STAG1: variants seen among roughly 807,000 people sequenced by gnomAD.
The protein encoded by STAG1 is cohesin subunit SA-1.
STAG1 carries 26 observed loss-of-function variants against 170.9 expected under a neutral mutation model. The ratio of observed to expected loss-of-function variants is 0.15; its 90% CI spans 0.11 to 0.21. The LOEUF is 0.21. STAG1 is among the 10% of genes least tolerant of loss of function. The pLI is 1.00. For synonymous variants in STAG1, 514 were observed against 497.7 expected (o/e 1.03, Z -0.44); for missense variants, 964 against 1,509.5 (o/e 0.64, Z 5.99).
rs377654737 is a variant in STAG1 at position 136,369,290 on chromosome 3, A to G, written c.2371-8T>C. On this transcript the variant is annotated splice_polypyrimidine_tract_variant and splice_region_variant and intron_variant, in intron 23 of 33. Transcript: ENST00000383202. ...ACAGAGTAACATGAAAGCCTGGAAT[A>G]CAAAGGCAATTTATCAGCAAAATAT... The G allele has an allele frequency of 3.2e-6, 5 of 1,570,494 alleles. No homozygotes were observed. Among genetic ancestry groups the G allele is most frequent in the African/African-American group, 1.4e-5 (1 of 71,538 alleles).
intron 4 of STAG1, among the ~76,000 whole-genome samples, chr3:136,572,988 C>T (rs2107767471): frequency 6.6e-6 from 1 of 152,214 alleles, no homozygotes; most frequent in South Asian, 2.1e-4. Context: ...GCAGCCTAGG[C>T]AACACAGTGA....
At chr3:136,527,097 C>T (rs1307234435) in intron 6 of STAG1, among the ~76,000 whole-genome samples, 1 of 152,144 alleles carries the variant, frequency 6.6e-6, no homozygotes, top group Non-Finnish European at 1.5e-5. Flanking sequence ...CAAGGAGTAT[C>T]TTCATGACAT....
At chr3:136,534,772 A>G (rs1935542401) in intron 6 of STAG1, among the ~76,000 whole-genome samples, 1 of 152,222 alleles carries the variant, frequency 6.6e-6, no homozygotes, top group Non-Finnish European at 1.5e-5. Context: ...ATCTGGAGAA[A>G]AGAGAACTTC....
At chr3:136,656,948 A>C (rs1941399181) in intron 1 of STAG1, among the ~76,000 whole-genome samples, 1 of 152,044 alleles carries the variant, frequency 6.6e-6, no homozygotes, top group Admixed American at 6.5e-5. Flanking sequence ...AAAAATAAAT[A>C]CATAAATGAA....
intron 4 of STAG1, among the ~76,000 whole-genome samples, chr3:136,598,419 A>C (rs1323648587): frequency 1.3e-5 from 2 of 150,664 alleles, no homozygotes; most frequent in African/African-American, 4.9e-5. Flanking sequence ...TCTTTAATAC[A>C]ACCTTTTTTT....
intron 30 of STAG1, among the ~76,000 whole-genome samples, chr3:136,342,226 A>T (rs148560226): frequency 0.01 from 1,559 of 151,980 alleles, 30 homozygotes; most frequent in African/African-American, 0.035. Flanking sequence ...TCACCATGTT[A>T]GTTAGGATGG....
chr3:136,343,768 T>C lies in STAG1; in HGVS notation c.3446+64A>G, dbSNP rs1936099220. The stretch of plus-strand genomic sequence containing the variant: ...TATGTTCTGATGAACAAATAAAGTT[T>C]TTCTTAAATAGTTTTACTTTCTTTA... On this transcript the variant is annotated intron_variant, in intron 30 of 33. Transcript: ENST00000383202. The C allele has an allele frequency of 3.7e-6, 5 of 1,351,840 alleles. No individual in the cohort carries two copies. The South Asian group carries it at 6.3e-5, about 17-fold the overall frequency. 83.7% of individuals were successfully genotyped at this position (1,351,840 alleles called of 1,614,324 possible).
chr3:136,548,059 C>G (rs541725097), intron 5 of STAG1, among the ~76,000 whole-genome samples: 2 of 152,076 alleles, frequency 1.3e-5, no homozygotes, highest in Non-Finnish European at 2.9e-5. Context: ...TCTGGGCTCT[C>G]TATTCTGTTA....
At position 136,665,256 on chromosome 3, in the gene STAG1, C is replaced by T. The variant is rs138384325; in HGVS notation, c.-83-34275G>A. On this transcript the variant is annotated intron_variant, in intron 1 of 33. Transcript: ENST00000383202. Reference sequence around the variant, plus strand: ...ATATTGAACTGTTATACAATGAGATCTTTGAGGACCTTGGAATGGGGTGGT... The same window carrying T: ...ATATTGAACTGTTATACAATGAGATTTTTGAGGACCTTGGAATGGGGTGGT... Among the ~76,000 whole-genome samples the T allele has an allele frequency of 3.2e-3, 487 of 152,196 alleles. 6 individuals are homozygous for T. The highest frequency in any genetic ancestry group is 0.011 in the African/African-American group (471 of 41,532).
chr3:136,645,467 C>A (rs2107850606), intron 1 of STAG1, among the ~76,000 whole-genome samples: 1 of 152,322 alleles, frequency 6.6e-6, no homozygotes, highest in African/African-American at 2.4e-5. Context: ...TCACCTCCAT[C>A]ACATCACTCT....
chr3:136,623,289 T>G (rs1201600947), intron 2 of STAG1, 41 bp from the exon 3 acceptor site: 1 of 1,563,966 alleles, frequency 6.4e-7, no homozygotes, highest in Non-Finnish European at 8.8e-7. Flanking sequence ...AATTAATAAG[T>G]ATAATGCATT....
In STAG1 at chr3:136,338,237, T is replaced by C. The variant is rs1350864123; in HGVS notation, c.*17A>G. The C allele has an allele frequency of 1.3e-6, 2 of 1,583,292 alleles. No homozygotes were observed. The highest frequency in any genetic ancestry group is 1.7e-6 in the Non-Finnish European group (2 of 1,154,558). On this transcript the variant is annotated 3_prime_UTR_variant, in exon 34 of 34. Coordinates refer to ENST00000383202, the MANE Select transcript of STAG1 (RefSeq NM_005862.3). ...TCTAAATAATAGAGTTCCAGATTTG[T>C]AAATTTTCTTCAGACTTCAGAACAT...
Position 136,633,674 on chromosome 3 carries a change from T to C in STAG1, c.-83-2693A>G, listed in dbSNP as rs112874715. The stretch of plus-strand genomic sequence containing the variant: ...AAGATTGTGCCACTGCACTCCAACC[T>C]GGACAACAGAGCAAAAGTTTCCATA... On this transcript the variant is annotated intron_variant, in intron 1 of 33. Transcript: ENST00000383202. Among the ~76,000 whole-genome samples, 171 of 110,032 alleles carry C rather than the reference T, an allele frequency of 1.6e-3. 1 individual carries two copies. Among genetic ancestry groups the C allele is most frequent in the African/African-American group, 5.4e-3 (153 of 28,296 alleles). The allele number at this position is 110,032 out of a possible 152,430, so 72.2% of individuals were successfully genotyped here.
Position 136,702,075 on chromosome 3 carries a change from A to AAGAGAGAG in STAG1, c.-84+50112_-84+50119dup, listed in dbSNP as rs745623191. Among the ~76,000 whole-genome samples, 365 of 92,172 alleles carry AAGAGAGAG rather than the reference A, an allele frequency of 4.0e-3. 4 individuals carry two copies. The highest frequency in any genetic ancestry group is 4.7e-3 in the Non-Finnish European group (229 of 48,348). 60.5% of individuals were successfully genotyped at this position (92,172 alleles called of 152,430 possible). The stretch of plus-strand genomic sequence containing the variant: ...CTACAGGCATGCACCACCATGCCGA[A>AAGAGAGAG]AGAGAGAGAGAGAGAGAGAGAGAGA... On this transcript the variant is annotated intron_variant, in intron 1 of 33. Coordinates refer to ENST00000383202, the MANE Select transcript of STAG1 (RefSeq NM_005862.3).
In STAG1 at chr3:136,600,268, C is replaced by T. The variant is rs370641636; in HGVS notation, c.297+4041G>A. Among the ~76,000 whole-genome samples, 6 of 152,326 alleles carry T rather than the reference C, an allele frequency of 3.9e-5. No homozygotes were observed. In the East Asian group the frequency reaches 1.2e-3, roughly 29 times the overall value. On this transcript the variant is annotated intron_variant, in intron 4 of 33. Coordinates refer to ENST00000383202, the MANE Select transcript of STAG1 (RefSeq NM_005862.3). ...CGATTACCCTAAACATAAGCCTATG[C>T]AGTAGTTATTGGCACTTTCCTTCAG...
intron 1 of STAG1, among the ~76,000 whole-genome samples, chr3:136,677,695 C>T (rs1360532810): frequency 1.3e-5 from 2 of 151,976 alleles, no homozygotes; most frequent in South Asian, 4.1e-4. Context: ...AGTGAGCCCT[C>T]GCCAGACACT....
chr3:136,435,139 A>T (rs2107749419), intron 15 of STAG1, among the ~76,000 whole-genome samples: 1 of 152,348 alleles, frequency 6.6e-6, no homozygotes, highest in South Asian at 2.1e-4. Context: ...TTGAATATAT[A>T]AGCAAGTTTC....
At chr3:136,476,285 A>C (rs1206209397) in intron 10 of STAG1, among the ~76,000 whole-genome samples, 1 of 152,230 alleles carries the variant, frequency 6.6e-6, no homozygotes, top group Non-Finnish European at 1.5e-5. Context: ...AGCACAGACC[A>C]AATGGAAAAT....
intron 1 of STAG1, among the ~76,000 whole-genome samples, chr3:136,714,193 G>A (rs569680043): frequency 6.6e-6 from 1 of 152,080 alleles, no homozygotes; most frequent in Admixed American, 6.5e-5. Context: ...AACAAAGCAA[G>A]GCCCTACCCC....
Sources: gnomAD v4.1 joint callset for allele counts (sites outside exome capture counted in the v4.1 genomes callset) on GRCh38, gnomAD v4.1.1 for gene constraint, MANE v1.5 for transcripts, NCBI Gene and HGNC (gene_info 2026-07-23, HGNC 2026-07-21) for gene names.